The following RBM47 variants were observed in gnomAD, a reference collection of about 807,000 sequenced individuals.
RBM47 encodes the protein RNA binding motif protein 47.
A neutral mutation model predicts 47.1 loss-of-function variants in RBM47; 21 were observed. The ratio of observed to expected loss-of-function variants is 0.45; its 90% CI spans 0.32 to 0.64. The LOEUF (loss-of-function observed/expected upper bound fraction) is 0.64, where lower values mean the gene tolerates loss of function less well. Ranked by LOEUF, RBM47 falls within the 30% of genes least tolerant of loss-of-function variation. The pLI, the probability that RBM47 is intolerant of heterozygous loss-of-function variation, is 0.05. For missense variants in RBM47, 708 were observed against 870.9 expected (o/e 0.81, Z 2.35); for synonymous variants, 375 against 361.7 (o/e 1.04, Z -0.42).
At chr4:40,541,285 C>T (rs1250053293) in intron 2 of RBM47, among the ~76,000 whole-genome samples, 2 of 147,274 alleles carry the variant, frequency 1.4e-5, no homozygotes, top group Admixed American at 1.4e-4. Flanking sequence ...AAAAAAATCG[C>T]ATCAAATTTA....
At chr4:40,612,100 G>A (rs987828036) in intron 1 of RBM47, among the ~76,000 whole-genome samples, 5 of 152,218 alleles carry the variant, frequency 3.3e-5, no homozygotes, top group Admixed American at 6.5e-5. Flanking sequence ...GTGAGCTTTG[G>A]AGGGAAGAAA....
intron 2 of RBM47, among the ~76,000 whole-genome samples, chr4:40,530,229 C>G (rs970993676): frequency 6.6e-6 from 1 of 151,346 alleles, no homozygotes; most frequent in Admixed American, 6.6e-5. Flanking sequence ...AGGCACCATG[C>G]CTGGACGATC....
At chr4:40,471,724 C>A (rs1302763357) in intron 2 of RBM47, among the ~76,000 whole-genome samples, 1 of 151,824 alleles carries the variant, frequency 6.6e-6, no homozygotes, top group African/African-American at 2.4e-5. Context: ...CGTTTTATCA[C>A]CCTTCTGCTT....
intron 2 of RBM47, among the ~76,000 whole-genome samples, chr4:40,487,264 T>C (rs1343918850): frequency 6.6e-6 from 1 of 152,156 alleles, no homozygotes; most frequent in Non-Finnish European, 1.5e-5. Context: ...CATCTGATGA[T>C]GTTGGTAATT....
intron 1 of RBM47, among the ~76,000 whole-genome samples, chr4:40,562,392 T>G (rs1730711195): frequency 6.6e-6 from 1 of 151,726 alleles, no homozygotes. Context: ...TGAAATACAC[T>G]GAGGTTGCAT....
intron 1 of RBM47, among the ~76,000 whole-genome samples, chr4:40,607,969 G>A (rs1735916068): frequency 6.6e-6 from 1 of 151,848 alleles, no homozygotes; most frequent in Non-Finnish European, 1.5e-5. Context: ...GCCAGGCATG[G>A]CAGCCTACAC....
rs910303039 is a variant in RBM47, at chr4:40,498,670, CAAA to C, written c.-154-31974_-154-31972del. ...CCTGGGCAACAGAGAGACTCCATCTCAAAAAAAAAAAAAAAAAAAAAAATTGTT... is the reference window on the plus strand; with the variant it reads ...CCTGGGCAACAGAGAGACTCCATCTCAAAAAAAAAAAAAAAAAAAATTGTT... On this transcript the variant is annotated intron_variant, in intron 2 of 6. Coordinates refer to ENST00000295971, the MANE Select transcript of RBM47 (RefSeq NM_001098634.2). Among the ~76,000 whole-genome samples, 239 of 62,520 alleles carry C rather than the reference CAAA, an allele frequency of 3.8e-3. 1 individual carries two copies. Among genetic ancestry groups the C allele is most frequent in the South Asian group, 8.0e-3 (14 of 1,744 alleles). 41.0% of individuals were successfully genotyped at this position (62,520 alleles called of 152,430 possible).
At chr4:40,535,663 G>A (rs1254845598) in intron 2 of RBM47, among the ~76,000 whole-genome samples, 2 of 151,946 alleles carry the variant, frequency 1.3e-5, no homozygotes, top group African/African-American at 2.4e-5. Flanking sequence ...CGGGGCAAGC[G>A]ATTCTCCTGC....
intron 1 of RBM47, among the ~76,000 whole-genome samples, chr4:40,589,825 T>C (rs1485067376): frequency 2.0e-5 from 3 of 152,190 alleles, no homozygotes; most frequent in African/African-American, 4.8e-5. Flanking sequence ...TTTAGGAACA[T>C]GAGGAGCACA....
intron 1 of RBM47, among the ~76,000 whole-genome samples, chr4:40,627,314 T>TAAAC (rs985734780): frequency 6.6e-6 from 1 of 152,200 alleles, no homozygotes; most frequent in Non-Finnish European, 1.5e-5. Flanking sequence ...ATCCCAAACT[T>TAAAC]AAACCCTCTT....
At chr4:40,492,566 A>T (rs1722031993) in intron 2 of RBM47, among the ~76,000 whole-genome samples, 1 of 152,156 alleles carries the variant, frequency 6.6e-6, no homozygotes, top group South Asian at 2.1e-4. Flanking sequence ...TCCATGTTCC[A>T]TGTTCTCCAC....
At position 40,540,240 on chromosome 4, in the gene RBM47, T is replaced by C. The variant is rs150083237; in HGVS notation, c.-155+4182A>G. ...CATGGTATGTCTCAAAACATCACTA[T>C]GTACCTCATGAGTATGTACAATTAT... is the stretch of plus-strand genomic sequence containing the variant. On this transcript the variant is annotated intron_variant, in intron 2 of 6. Coordinates refer to ENST00000295971, the MANE Select transcript of RBM47 (RefSeq NM_001098634.2). 6.6e-5 allele frequency among the ~76,000 whole-genome samples: 10 copies of C among 152,236 alleles called. No homozygotes were observed. The East Asian group carries it at 1.9e-3, about 29-fold the overall frequency.
At chr4:40,457,200 A>T (rs1716409909) in intron 3 of RBM47, among the ~76,000 whole-genome samples, 1 of 151,372 alleles carries the variant, frequency 6.6e-6, no homozygotes, top group Non-Finnish European at 1.5e-5. Context: ...GGAGCGGATC[A>T]CCTGAGATCA....
intron 2 of RBM47, among the ~76,000 whole-genome samples, chr4:40,475,414 T>C (rs1211670185): frequency 1.3e-5 from 2 of 152,164 alleles, no homozygotes; most frequent in Non-Finnish European, 2.9e-5. Context: ...ACAACAATAC[T>C]GTGAAGATCT....
Position 40,425,924 on chromosome 4 carries a change from C to G in RBM47, c.1762G>C (p.Asp588His). The G allele has an allele frequency of 6.2e-7, 1 of 1,614,126 alleles. No individual in the cohort carries two copies. Among genetic ancestry groups the G allele is most frequent in the South Asian group, 1.1e-5 (1 of 91,068 alleles). Residue 588 changes from aspartate to histidine, a missense_variant, in exon 7 of 7, where the codon GAC becomes CAC. Transcript: ENST00000295971. Reference sequence around the variant, plus strand: ...CAGCCTCAGTATGTCTGGTAGACGTCGGGGATGGGGACCTGAATGGCAGCA... The same window carrying G: ...CAGCCTCAGTATGTCTGGTAGACGTGGGGGATGGGGACCTGAATGGCAGCA... ...PAAAIQVPIP[D>H]VYQTY is the part of the protein sequence containing the mutation.
At chr4:40,582,483 G>T (rs55835022) in intron 1 of RBM47, among the ~76,000 whole-genome samples, 1 of 152,112 alleles carries the variant, frequency 6.6e-6, no homozygotes, top group African/African-American at 2.4e-5. Context: ...GCAGTGAGCC[G>T]AGATTATGCC....
intron 1 of RBM47, among the ~76,000 whole-genome samples, chr4:40,618,257 TAAAAG>T (rs1227364153): frequency 4.7e-5 from 7 of 148,968 alleles, no homozygotes; most frequent in South Asian, 2.1e-4. Context: ...AAAAAGAAAA[TAAAAG>T]AAAAGAAAAA....
At chr4:40,543,271 T>G (rs537102703) in intron 2 of RBM47, 1 of 152,176 alleles carries the variant, frequency 6.6e-6, no homozygotes, top group Non-Finnish European at 1.5e-5. Flanking sequence ...CGAGTCACTC[T>G]GGGACATAGC....
rs781033383 is a variant in RBM47, at chr4:40,438,658, G to A, written c.236C>T (p.Pro79Leu). 2 of 1,612,320 alleles carry A rather than the reference G, an allele frequency of 1.2e-6. No homozygotes were observed. Among genetic ancestry groups the A allele is most frequent in the East Asian group, 2.2e-5 (1 of 44,808 alleles). ...RGCEVFVGKI[P>L]RDVYEDELVP... ...CAGCTCGTCCTCGTACACGTCGCGC[G>A]GGATCTTGCCCACGAAGACCTCGCA... Residue 79 changes from proline (P) to leucine (L), a missense_variant, in exon 4 of 7, where the codon CCG (proline) becomes CTG (leucine). Pro to Leu is a moderately conservative substitution (Grantham distance 98). Coordinates refer to ENST00000295971, the MANE Select transcript of RBM47 (RefSeq NM_001098634.2).
Sources: gnomAD v4.1 joint callset for allele counts (sites outside exome capture counted in the v4.1 genomes callset) on GRCh38, gnomAD v4.1.1 for gene constraint, MANE v1.5 for transcripts, NCBI Gene and HGNC (gene_info 2026-07-23, HGNC 2026-07-21) for gene names.